Variants in ACTC1 observed in about 807,000 individuals in gnomAD.
The protein encoded by ACTC1 is actin, alpha cardiac muscle 1.
ACTC1 carries 10 observed loss-of-function variants against 31.6 expected under a neutral mutation model. The ratio of observed to expected loss-of-function variants is 0.32; its 90% confidence interval spans 0.19 to 0.54. ACTC1 has a LOEUF of 0.54. Among genes scored for constraint, ACTC1 ranks in the 20% least tolerant of loss-of-function variants. The probability of loss-of-function intolerance (pLI) is 0.95; values close to 1 mark genes in which losing one functional copy is unlikely to be tolerated. For missense variants in ACTC1, 129 were observed against 506.4 expected (o/e 0.25, Z 7.15); for synonymous variants, 196 against 185.0 (o/e 1.06, Z -0.48).
At chr15:34,791,552 T>A in intron 5 of ACTC1, 1 of 490,448 alleles carries the variant, frequency 2.0e-6, no homozygotes. Context: ...AAACACCTCC[T>A]GAAACTCTCA....
rs1276258165 is a variant in ACTC1, at chr15:34,791,106, T to C, written c.990+8A>G. 1 of 1,587,640 alleles carries C rather than the reference T, an allele frequency of 6.3e-7. No homozygotes were observed. Among genetic ancestry groups the C allele is most frequent in the Non-Finnish European group, 8.6e-7 (1 of 1,162,336 alleles). ...GCCTCGGATCTCCCACTCACAAAAGTTCTTTACCTTAATCTTCATGGTGCT... is the reference window on the plus strand; with the variant it reads ...GCCTCGGATCTCCCACTCACAAAAGCTCTTTACCTTAATCTTCATGGTGCT... On this transcript the variant is annotated splice_region_variant and intron_variant, in intron 6 of 6. Transcript: ENST00000290378.
In ACTC1 at chr15:34,792,059, TC is replaced by T. The variant is rs777933415; in HGVS notation, c.808+30del. ...GAGACCCTAAGATTTCCAGGGAAAA[TC>T]GTGCCTCTGCACCAGACCCTACAAC... On this transcript the variant is annotated intron_variant, in intron 5 of 6. Coordinates refer to ENST00000290378, the MANE Select transcript of ACTC1 (RefSeq NM_005159.5). This position sits in a 1 kb window ranked among gnomAD's most constrained non-coding sequence, Gnocchi z 5.3. 6.2e-7 allele frequency: 1 copy of T among 1,612,844 alleles called. No individual in the cohort carries two copies. Among genetic ancestry groups the T allele is most frequent in the Non-Finnish European group, 8.5e-7 (1 of 1,179,386 alleles).
Position 34,795,507 on chromosome 15 carries a change from G to C in ACTC1, c.-24C>G, listed in dbSNP as rs1891810089. The C allele has an allele frequency of 6.5e-6, 1 of 152,810 alleles. No homozygotes were observed. The highest frequency in any genetic ancestry group is 1.5e-5 in the Non-Finnish European group (1 of 68,614). The allele number at this position is 152,810 out of a possible 1,614,324, so 9.5% of individuals were successfully genotyped here. ...GCGGAGGGCCGGGCGCTGACTCACC[G>C]TCGGCGGGGCGGGTCGGCTCGGCTC... On this transcript the variant is annotated splice_region_variant and 5_prime_UTR_variant, in exon 1 of 7. Transcript: ENST00000290378.
chr15:34,790,863 C>A (rs186298761), intron 6 of ACTC1, among the ~76,000 whole-genome samples: 1 of 152,170 alleles, frequency 6.6e-6, no homozygotes, highest in East Asian at 1.9e-4. Flanking sequence ...AAAATGTATT[C>A]AAAGATTTTG....
chr15:34,791,990 C>CT, intron 5 of ACTC1, 100 bp downstream of exon 5: 1 of 1,339,308 alleles, frequency 7.5e-7, no homozygotes, highest in Non-Finnish European at 1.1e-6. Context: ...ACTATGACTT[C>CT]TTTTAACTCA....
chr15:34,793,584 A>C lies in ACTC1; in HGVS notation c.130-15T>G, dbSNP rs376417852. On this transcript the variant is annotated splice_polypyrimidine_tract_variant and intron_variant, in intron 2 of 6. Transcript: ENST00000290378. The surrounding 1 kb of genome is among the most constrained non-coding windows in gnomAD (Gnocchi z 4.8). Reference sequence around the variant, plus strand: ...ACCATAACTCCCTATGAGAAGAAAAAATGAGAAAATCATGCTCTCACCATG... The same window carrying C: ...ACCATAACTCCCTATGAGAAGAAAACATGAGAAAATCATGCTCTCACCATG... The C allele has an allele frequency of 1.9e-6, 3 of 1,611,562 alleles. No individual in the cohort carries two copies. The highest frequency in any genetic ancestry group is 1.7e-6 in the Non-Finnish European group (2 of 1,177,934).
In ACTC1 at chr15:34,792,442, G is replaced by T; in HGVS notation, c.582C>A (p.Ile194=). The change falls in exon 4 of 7, where the codon ATC becomes ATA. Residue 194 remains isoleucine, a synonymous_variant. Coordinates refer to ENST00000290378, the MANE Select transcript of ACTC1 (RefSeq NM_005159.5). This position sits in a 1 kb window ranked among gnomAD's most constrained non-coding sequence, Gnocchi z 5.3. The part of the protein sequence containing the change: ...GRDLTDYLMK[I]LTERGYSFVT... ...CAAAGGAGTAGCCACGCTCAGTGAG[G>T]ATCTTCATGAGGTAGTCAGTGAGGT... 1 of 1,614,174 alleles carries T rather than the reference G, an allele frequency of 6.2e-7. No individual in the cohort carries two copies. The highest frequency in any genetic ancestry group is 1.1e-5 in the South Asian group (1 of 91,070).
At position 34,791,312 on chromosome 15, in the gene ACTC1, C is replaced by CACACAT. The variant is rs1447068308; in HGVS notation, c.809-18_809-17insATGTGT. 6 of 523,170 alleles carry CACACAT rather than the reference C, an allele frequency of 1.1e-5. No individual in the cohort carries two copies. The highest frequency in any genetic ancestry group is 1.6e-5 in the Non-Finnish European group (6 of 386,482). The allele number at this position is 523,170 out of a possible 1,614,324, so 32.4% of individuals were successfully genotyped here. A position where few individuals can be genotyped will look rare whatever the true frequency, so the allele number is the denominator to read the frequency against. The stretch of plus-strand genomic sequence containing the variant: ...ATTCCATACCTGGGAACGAGTCACA[C>CACACAT]ACACACACACACACACACACACACA... On this transcript the variant is annotated splice_polypyrimidine_tract_variant and intron_variant, in intron 5 of 6. Coordinates refer to ENST00000290378, the MANE Select transcript of ACTC1 (RefSeq NM_005159.5).
intron 6 of ACTC1, among the ~76,000 whole-genome samples, 187 bp downstream of exon 6, chr15:34,790,926 TA>T (rs1259836150): frequency 6.6e-6 from 1 of 152,118 alleles, no homozygotes; most frequent in Non-Finnish European, 1.5e-5. Flanking sequence ...ATTCACTGCT[TA>T]AAAGCATTTT....
Position 34,792,587 on chromosome 15 carries a change from C to G in ACTC1, c.455-18G>C, listed in dbSNP as rs925035661. 1.2e-6 allele frequency: 2 copies of G among 1,614,108 alleles called. No homozygotes were observed. Among genetic ancestry groups the G allele is most frequent in the African/African-American group, 2.7e-5 (2 of 75,036 alleles). ...AACAATGCCTGCCCGGGGAAGTAGA[C>G]AAGAACAAGGTAAATTCCTGAGGAC... On this transcript the variant is annotated intron_variant, in intron 3 of 6. Coordinates refer to ENST00000290378, the MANE Select transcript of ACTC1 (RefSeq NM_005159.5). The surrounding 1 kb of genome is among the most constrained non-coding windows in gnomAD (Gnocchi z 5.3).
Position 34,792,730 on chromosome 15 carries a change from T to C in ACTC1, c.455-161A>G. The C allele has an allele frequency of 1.4e-6, 1 of 732,700 alleles. No homozygotes were observed. The highest frequency in any genetic ancestry group is 2.3e-6 in the Non-Finnish European group (1 of 429,310). 45.4% of individuals were successfully genotyped at this position (732,700 alleles called of 1,614,324 possible). ...TACACACAAAGAATAAAAATGCGCA[T>C]CAGGAATACTAAATCTGAAGCAAAC... is the stretch of plus-strand genomic sequence containing the variant. On this transcript the variant is annotated intron_variant, in intron 3 of 6. Transcript: ENST00000290378. The surrounding 1 kb of genome is among the most constrained non-coding windows in gnomAD (Gnocchi z 5.3).
Position 34,794,670 on chromosome 15 carries a change from G to A in ACTC1, c.129+10C>T. ...CCCGAGTGGGACGGGGGGCTCGGCG[G>A]GAAGTTTACCTGGTGCCGCGGGCGG... On this transcript the variant is annotated intron_variant, in intron 2 of 6. Coordinates refer to ENST00000290378, the MANE Select transcript of ACTC1 (RefSeq NM_005159.5). 6.2e-7 allele frequency: 1 copy of A among 1,610,622 alleles called. No homozygotes were observed. Among genetic ancestry groups the A allele is most frequent in the Non-Finnish European group, 8.5e-7 (1 of 1,178,178 alleles).
intron 1 of ACTC1, among the ~76,000 whole-genome samples, 162 bp downstream of exon 1, chr15:34,795,344 T>A (rs1455663214): frequency 8.0e-6 from 1 of 124,532 alleles, no homozygotes; most frequent in African/African-American, 3.5e-5. Context: ...TCAAAAAGTG[T>A]GGGCTTTAAA....
At position 34,792,814 on chromosome 15, in the gene ACTC1, A is replaced by G; in HGVS notation, c.455-245T>C. 5.4e-6 allele frequency: 3 copies of G among 556,200 alleles called. No individual in the cohort carries two copies. The highest frequency in any genetic ancestry group is 4.1e-5 in the South Asian group (2 of 48,996). 34.5% of individuals were successfully genotyped at this position (556,200 alleles called of 1,614,324 possible). On this transcript the variant is annotated intron_variant, in intron 3 of 6. Coordinates refer to ENST00000290378, the MANE Select transcript of ACTC1 (RefSeq NM_005159.5). This position sits in a 1 kb window ranked among gnomAD's most constrained non-coding sequence, Gnocchi z 5.3. ...AAATTCCCGAGGACACTTTCAAATG[A>G]CCATCTTTCTTGTCAGCCACGAGCA...
chr15:34,794,656 C>T lies in ACTC1; in HGVS notation c.129+24G>A, dbSNP rs1566968044. On this transcript the variant is annotated intron_variant, in intron 2 of 6. Transcript: ENST00000290378. ...TGGACTGAAGGGGTCCCGAGTGGGA[C>T]GGGGGGCTCGGCGGGAAGTTTACCT... 4 of 1,607,210 alleles carry T rather than the reference C, an allele frequency of 2.5e-6. No homozygotes were observed. The African/African-American group carries it at 4.0e-5, about 16-fold the overall frequency.
chr15:34,792,984 A>ATT lies in ACTC1; in HGVS notation c.454+260_454+261insAA, dbSNP rs1891737599. On this transcript the variant is annotated intron_variant, in intron 3 of 6. Transcript: ENST00000290378. The surrounding 1 kb of genome is among the most constrained non-coding windows in gnomAD (Gnocchi z 5.3). ...GTGATGGTTTAAACACATAACAATG[A>ATT]CTGCTGCACTCCAAGCTGCTACACT... The ATT allele has an allele frequency of 6.3e-5, 35 of 557,014 alleles. No individual in the cohort carries two copies. The South Asian group carries it at 7.4e-4, about 12-fold the overall frequency. 34.5% of individuals were successfully genotyped at this position (557,014 alleles called of 1,614,324 possible). A position where few individuals can be genotyped will look rare whatever the true frequency, so the allele number is the denominator to read the frequency against.
At chr15:34,794,095 G>A (rs1238553295) in intron 2 of ACTC1, among the ~76,000 whole-genome samples, 1 of 152,200 alleles carries the variant, frequency 6.6e-6, no homozygotes, top group Non-Finnish European at 1.5e-5. Context: ...CTGCTTGGCA[G>A]CCTGTCTGGC....
At chr15:34,794,463 G>C (rs1214911123) in intron 2 of ACTC1, among the ~76,000 whole-genome samples, 1 of 152,208 alleles carries the variant, frequency 6.6e-6, no homozygotes, top group Non-Finnish European at 1.5e-5. Flanking sequence ...ACCAGGGAGT[G>C]GGACCCTTTT....
At chr15:34,791,821 C>A in intron 5 of ACTC1, 2 of 478,774 alleles carry the variant, frequency 4.2e-6, no homozygotes, top group Non-Finnish European at 7.6e-6. Context: ...TGAACTAGCC[C>A]TTTTCCTGCA....
Sources: gnomAD v4.1 joint callset for allele counts (sites outside exome capture counted in the v4.1 genomes callset) on GRCh38, gnomAD v4.1.1 for gene constraint, Gnocchi (gnomAD v3.1) non-coding constraint, MANE v1.5 for transcripts, NCBI Gene and HGNC (gene_info 2026-07-23, HGNC 2026-07-21) for gene names.